CACNA1S: variants seen among roughly 807,000 people sequenced by gnomAD.
CACNA1S encodes the protein voltage-dependent L-type calcium channel subunit alpha-1S.
CACNA1S carries 126 observed loss-of-function variants against 207.4 expected under a neutral mutation model. The ratio of observed to expected loss-of-function variants is 0.61; its 90% confidence interval spans 0.53 to 0.70. The LOEUF (loss-of-function observed/expected upper bound fraction) is 0.70. CACNA1S is among the 30% of genes least tolerant of loss of function. The pLI is 0.00. For missense variants in CACNA1S, 2,349 were observed against 2,422.8 expected, an observed-to-expected ratio of 0.97 and a Z score of 0.64; for synonymous variants, 960 against 932.7, an observed-to-expected ratio of 1.03 and a Z score of -0.53.
chr1:201,075,305 G>C (rs1002055656), intron 13 of CACNA1S, among the ~76,000 whole-genome samples, 190 bp downstream of exon 13: 2 of 152,060 alleles, frequency 1.3e-5, no homozygotes, highest in Non-Finnish European at 1.5e-5. Flanking sequence ...TAATCTTTTT[G>C]GCACAAAGAA....
rs1661471958 is a variant in CACNA1S, at chr1:201,072,847, T to G, written c.2158-23A>C. On this transcript the variant is annotated intron_variant, in intron 15 of 43. Transcript: ENST00000362061. ...CAGCTGTAGGAAGGAACACAATGAC[T>G]ATAACAATGAAAAAGAAGTTGCGGT... The G allele has an allele frequency of 1.9e-6, 3 of 1,598,460 alleles. No homozygotes were observed. In the South Asian group the frequency reaches 3.3e-5, roughly 18 times the overall value.
At chr1:201,054,050 C>T (rs1660746986) in intron 29 of CACNA1S, among the ~76,000 whole-genome samples, 1 of 152,214 alleles carries the variant, frequency 6.6e-6, no homozygotes, top group Non-Finnish European at 1.5e-5. Context: ...TGGCTACTCC[C>T]CATCACTCCC....
intron 7 of CACNA1S, among the ~76,000 whole-genome samples, chr1:201,086,984 A>C (rs759111528): frequency 1.9e-4 from 29 of 152,346 alleles, no homozygotes; most frequent in Non-Finnish European, 3.2e-4. Flanking sequence ...GCAAGTTTAC[A>C]GACTCCCAGA....
intron 3 of CACNA1S, among the ~76,000 whole-genome samples, chr1:201,092,953 C>T (rs1001572129): frequency 3.9e-5 from 6 of 152,158 alleles, no homozygotes; most frequent in Non-Finnish European, 5.9e-5. Flanking sequence ...AGCTGTGTGA[C>T]CTTGGGCAAG....
chr1:201,083,249 A>C lies in CACNA1S; in HGVS notation c.1306T>G (p.Trp436Gly), dbSNP rs762578496. The stretch of plus-strand genomic sequence containing the variant: ...AGGGCAACGATGAGAATCACCAGCC[A>C]ATAGAAGACCTTGGACTTCACGATG... ...HDIVKSKVFY[W>G]LVILIVALNT... Residue 436 changes from tryptophan (W) to glycine (G), a missense_variant, in exon 10 of 44, where the codon TGG becomes GGG. Trp to Gly is a radical substitution (Grantham distance 184). Coordinates refer to ENST00000362061, the MANE Select transcript of CACNA1S (RefSeq NM_000069.3). 6.2e-7 allele frequency: 1 copy of C among 1,614,230 alleles called. No homozygotes were observed. Among genetic ancestry groups the C allele is most frequent in the South Asian group, 1.1e-5 (1 of 91,084 alleles).
chr1:201,055,841 A>G (rs536856160), intron 28 of CACNA1S, among the ~76,000 whole-genome samples: 3 of 152,306 alleles, frequency 2.0e-5, no homozygotes, highest in African/African-American at 7.2e-5. Context: ...CCACCACCAA[A>G]GACACTGTTT....
In CACNA1S at chr1:201,052,750, C is replaced by T. The variant is rs1384511767; in HGVS notation, c.3862-102G>A. 9.3e-6 allele frequency: 9 copies of T among 968,220 alleles called. No individual in the cohort carries two copies. The East Asian group carries it at 9.8e-5, about 11-fold the overall frequency. The allele number at this position is 968,220 out of a possible 1,614,324, so 60.0% of individuals were successfully genotyped here. On this transcript the variant is annotated intron_variant, in intron 31 of 43. Transcript: ENST00000362061. ...TGCCTGACCCCTACCTTCGCCCCTA[C>T]TTCCCCAAAATTCCCTTCATTGCGG... is the stretch of plus-strand genomic sequence containing the variant.
chr1:201,089,192 C>A (rs144767026), intron 6 of CACNA1S, 66 bp downstream of exon 6: 1 of 1,520,522 alleles, frequency 6.6e-7, no homozygotes, highest in African/African-American at 1.4e-5. Flanking sequence ...CAAGCCCTCC[C>A]TCCCCACTCC....
At chr1:201,071,412 C>T (rs756560567) in intron 16 of CACNA1S, among the ~76,000 whole-genome samples, 7 of 152,152 alleles carry the variant, frequency 4.6e-5, no homozygotes, top group South Asian at 2.1e-4. Context: ...ACACATTTCA[C>T]GCTTAATCGC....
rs762253114 is a variant in CACNA1S at position 201,089,398 on chromosome 1, A to G, written c.760T>C (p.Cys254Arg). The G allele has an allele frequency of 6.2e-7, 1 of 1,614,146 alleles. No homozygotes were observed. The highest frequency in any genetic ancestry group is 8.5e-7 in the Non-Finnish European group (1 of 1,180,038). ...PCARTGSGRR[C>R]TINGSECRGG... is the part of the protein sequence containing the mutation. ...CGGCACTCACTGCCATTGATGGTGC[A>G]CCGGCGCCCTGAGCCCGTCCTGGCG... Residue 254 changes from cysteine to arginine, a missense_variant, in exon 6 of 44, where the codon TGC becomes CGC. Cys to Arg is a radical substitution (Grantham distance 180, BLOSUM62 -3). Coordinates refer to ENST00000362061, the MANE Select transcript of CACNA1S (RefSeq NM_000069.3).
At chr1:201,049,765 G>C (rs1430235775) in intron 34 of CACNA1S, among the ~76,000 whole-genome samples, 1 of 152,174 alleles carries the variant, frequency 6.6e-6, no homozygotes, top group Admixed American at 6.5e-5. Context: ...GGCTCCTGCT[G>C]ATGGAGGCAC....
intron 9 of CACNA1S, 126 bp downstream of exon 9, chr1:201,084,824 A>AT: frequency 2.8e-6 from 2 of 718,404 alleles, no homozygotes; most frequent in Non-Finnish European, 4.9e-6. Flanking sequence ...TTTTCTTAAA[A>AT]AGGCTGCCTT....
In CACNA1S at chr1:201,062,477, G is replaced by A; in HGVS notation, c.2891C>T (p.Thr964Ile). The change falls in exon 23 of 44, where the codon ACA becomes ATA. Residue 964 changes from threonine (T) to isoleucine (I), a missense_variant. By Grantham distance (89) the Thr-to-Ile change is moderately conservative. Coordinates refer to ENST00000362061, the MANE Select transcript of CACNA1S (RefSeq NM_000069.3). The stretch of plus-strand genomic sequence containing the variant: ...CCCCATGTACCTGCACTCCTCCTCT[G>A]TCATCTTGGACAAGTCGGTGCACCT... Reference protein sequence around the residue: ...FFRCTDLSKMTEEECRGYYYV... With the variant: ...FFRCTDLSKMIEEECRGYYYV... The A allele has an allele frequency of 6.2e-7, 1 of 1,612,618 alleles. No individual in the cohort carries two copies. Among genetic ancestry groups the A allele is most frequent in the Non-Finnish European group, 8.5e-7 (1 of 1,179,196 alleles).
chr1:201,110,052 G>C, intron 2 of CACNA1S, 112 bp downstream of exon 2: 7 of 983,254 alleles, frequency 7.1e-6, no homozygotes, highest in Middle Eastern at 2.4e-4. Context: ...GGCCTGCATC[G>C]TCAGGGAGTT....
intron 10 of CACNA1S, among the ~76,000 whole-genome samples, chr1:201,081,200 G>A (rs1661828431): frequency 6.6e-6 from 1 of 152,170 alleles, no homozygotes; most frequent in Non-Finnish European, 1.5e-5. Flanking sequence ...CAGGCCTTAG[G>A]AACCCAGCTG....
Position 201,040,652 on chromosome 1 carries a change from G to A in CACNA1S, c.5196C>T (p.Pro1732=). Reference sequence around the variant, plus strand: ...AGGGGGCAGGAGGTGCCTGGCCTCTGGGCATTGCCCTCTGGGTCAGCAGTC... The same window carrying A: ...AGGGGGCAGGAGGTGCCTGGCCTCTAGGCATTGCCCTCTGGGTCAGCAGTC... ...LKGLLTQRAM[P]RGQAPPAPCQ... is the part of the protein sequence containing the mutation. The change falls in exon 42 of 44, where the codon CCC becomes CCT. Residue 1732 remains proline (P), a synonymous_variant. Coordinates refer to ENST00000362061, the MANE Select transcript of CACNA1S (RefSeq NM_000069.3). The A allele has an allele frequency of 6.2e-7, 1 of 1,614,068 alleles. No homozygotes were observed. Among genetic ancestry groups the A allele is most frequent in the Non-Finnish European group, 8.5e-7 (1 of 1,179,994 alleles).
rs147061115 is a variant in CACNA1S at position 201,069,870 on chromosome 1, T to G, written c.2361-269A>C. On this transcript the variant is annotated intron_variant, in intron 17 of 43. Transcript: ENST00000362061. Reference sequence around the variant, plus strand: ...TGCAATTATGGCACCACCCTGAGGTTTCCCATCAAATGAAAATGGGACAGG... The same window carrying G: ...TGCAATTATGGCACCACCCTGAGGTGTCCCATCAAATGAAAATGGGACAGG... 7.3e-3 allele frequency among the ~76,000 whole-genome samples: 1,114 copies of G among 152,278 alleles called. 10 individuals are homozygous for G. The highest frequency in any genetic ancestry group is 0.026 in the African/African-American group (1,061 of 41,542).
chr1:201,062,409 C>T, intron 23 of CACNA1S, 53 bp downstream of exon 23: 1 of 1,556,784 alleles, frequency 6.4e-7, no homozygotes. Context: ...CGTGACTGTC[C>T]CACCATGCTC....
chr1:201,054,254 T>C (rs1660755543), intron 29 of CACNA1S, among the ~76,000 whole-genome samples: 1 of 152,178 alleles, frequency 6.6e-6, no homozygotes, highest in African/African-American at 2.4e-5. Context: ...TCCATCTGCA[T>C]AGAGGGTGCC....
Sources: allele counts gnomAD v4.1 joint callset (sites outside exome capture counted in the v4.1 genomes callset), GRCh38; gene constraint gnomAD v4.1.1; transcripts MANE v1.5; gene names NCBI Gene and HGNC (gene_info 2026-07-23, HGNC 2026-07-21).